Variants in TRIM44 observed in about 807,000 individuals in gnomAD.
TRIM44 encodes the protein tripartite motif containing 44, also known as tripartite motif-containing protein 44.
A neutral mutation model predicts 37.4 loss-of-function variants in TRIM44; 13 were observed. That is an observed-to-expected ratio of 0.35 (90% CI 0.23 to 0.55). TRIM44 has a LOEUF of 0.55. TRIM44 is among the 20% of genes least tolerant of loss of function. The pLI, the probability that TRIM44 is intolerant of heterozygous loss-of-function variation, is 0.89. For missense variants in TRIM44, 426 were observed against 437.2 expected, an observed-to-expected ratio of 0.97 and a Z score of 0.23; for synonymous variants, 175 against 157.2, an observed-to-expected ratio of 1.11 and a Z score of -0.85.
At chr11:35,688,899 CTA>C (rs1390567560) in intron 2 of TRIM44, among the ~76,000 whole-genome samples, 3 of 152,110 alleles carry the variant, frequency 2.0e-5, no homozygotes, top group African/African-American at 4.8e-5. Context: ...CTGTTTTCCT[CTA>C]TGTTTGCTAA....
chr11:35,755,776 G>T (rs1277509244), intron 4 of TRIM44, among the ~76,000 whole-genome samples: 4 of 152,114 alleles, frequency 2.6e-5, no homozygotes, highest in African/African-American at 9.7e-5. Context: ...TTTCCCCATT[G>T]CTTGTTTTTC....
intron 4 of TRIM44, among the ~76,000 whole-genome samples, chr11:35,779,140 A>T (rs775592425): frequency 1.1e-4 from 17 of 152,144 alleles, no homozygotes; most frequent in Non-Finnish European, 2.5e-4. Context: ...AAGCCTCAGC[A>T]AGTGGATGCC....
intron 1 of TRIM44, among the ~76,000 whole-genome samples, chr11:35,680,074 A>G (rs1266959232): frequency 1.3e-5 from 2 of 152,214 alleles, no homozygotes; most frequent in Non-Finnish European, 2.9e-5. Flanking sequence ...AAATCCATAC[A>G]TGAATATCAA....
intron 4 of TRIM44, among the ~76,000 whole-genome samples, chr11:35,757,212 C>T (rs1852656705): frequency 6.6e-6 from 1 of 152,206 alleles, no homozygotes; most frequent in Non-Finnish European, 1.5e-5. Flanking sequence ...GATTCAGCTT[C>T]TTCCTGGTTT....
intron 2 of TRIM44, among the ~76,000 whole-genome samples, chr11:35,696,178 C>G (rs1851695299): frequency 6.8e-6 from 1 of 146,258 alleles, no homozygotes; most frequent in Non-Finnish European, 1.5e-5. Flanking sequence ...TCGAGATGCT[C>G]TGTCGCCCAG....
chr11:35,667,955 A>G (rs1242741930), intron 1 of TRIM44, among the ~76,000 whole-genome samples: 1 of 152,112 alleles, frequency 6.6e-6, no homozygotes, highest in Non-Finnish European at 1.5e-5. Flanking sequence ...TTTTGCTATC[A>G]AAGTTTGGCT....
intron 4 of TRIM44, among the ~76,000 whole-genome samples, chr11:35,794,745 G>C (rs1454022451): frequency 6.6e-6 from 1 of 152,228 alleles, no homozygotes; most frequent in Non-Finnish European, 1.5e-5. Context: ...GTTTGCCTGG[G>C]AAGGTTTCTT....
chr11:35,790,086 G>A (rs946740995), intron 4 of TRIM44, among the ~76,000 whole-genome samples: 4 of 151,714 alleles, frequency 2.6e-5, no homozygotes, highest in South Asian at 4.2e-4. Context: ...TTCAGTGCCC[G>A]GTACTTATGC....
At chr11:35,791,557 T>G (rs1428474267) in intron 4 of TRIM44, among the ~76,000 whole-genome samples, 1 of 152,100 alleles carries the variant, frequency 6.6e-6, no homozygotes, top group Non-Finnish European at 1.5e-5. Context: ...ATGAGACACG[T>G]TCTCTCACTG....
In TRIM44 at chr11:35,666,855, A is replaced by G. The variant is rs539716052; in HGVS notation, c.669+3075A>G. ...TGTTTTTTTGTGATCTATCTGCTGA[A>G]TTATCTTACATATCCTAATAATTTA... On this transcript the variant is annotated intron_variant, in intron 1 of 4. Coordinates refer to ENST00000299413, the MANE Select transcript of TRIM44 (RefSeq NM_017583.6). Among the ~76,000 whole-genome samples, 8 of 152,360 alleles carry G rather than the reference A, an allele frequency of 5.3e-5. No homozygotes were observed. In the South Asian group the frequency reaches 1.0e-3, roughly 20 times the overall value.
intron 1 of TRIM44, among the ~76,000 whole-genome samples, chr11:35,679,809 C>T (rs1169016768): frequency 6.6e-6 from 1 of 152,140 alleles, no homozygotes; most frequent in Non-Finnish European, 1.5e-5. Flanking sequence ...AGGCCTCAGG[C>T]TGTGGATATA....
chr11:35,664,607 C>T (rs1851311993), intron 1 of TRIM44, among the ~76,000 whole-genome samples: 1 of 152,284 alleles, frequency 6.6e-6, no homozygotes. Flanking sequence ...ACTTTTGCTT[C>T]CCTGAATAGG....
intron 4 of TRIM44, among the ~76,000 whole-genome samples, chr11:35,746,184 A>G (rs1351418092): frequency 6.6e-6 from 1 of 152,214 alleles, no homozygotes; most frequent in Admixed American, 6.5e-5. Flanking sequence ...ATTTGTCTTC[A>G]TAGCTATTTT....
intron 4 of TRIM44, among the ~76,000 whole-genome samples, chr11:35,756,599 T>G (rs557701972): frequency 3.6e-4 from 55 of 152,298 alleles, no homozygotes; most frequent in Admixed American, 3.6e-3. Flanking sequence ...TCAAAGGGAA[T>G]GCTTCCAGTT....
At chr11:35,690,622 A>C (rs1436237275) in intron 2 of TRIM44, among the ~76,000 whole-genome samples, 1 of 152,182 alleles carries the variant, frequency 6.6e-6, no homozygotes, top group Non-Finnish European at 1.5e-5. Flanking sequence ...CCTGTGGTTG[A>C]TGAGTTACTA....
intron 1 of TRIM44, among the ~76,000 whole-genome samples, chr11:35,680,560 T>G (rs1226124601): frequency 6.6e-6 from 1 of 152,202 alleles, no homozygotes; most frequent in Non-Finnish European, 1.5e-5. Flanking sequence ...CACAGTTTAT[T>G]TAGCCACCCA....
At chr11:35,677,669 G>T (rs926814728) in intron 1 of TRIM44, among the ~76,000 whole-genome samples, 1 of 151,812 alleles carries the variant, frequency 6.6e-6, no homozygotes, top group Non-Finnish European at 1.5e-5. Flanking sequence ...TTTTCTTTTG[G>T]TCTATTTATT....
chr11:35,816,516 G>A lies in TRIM44; in HGVS notation c.*10131G>A, dbSNP rs1006181021. On this transcript the variant is annotated 3_prime_UTR_variant, in exon 5 of 5. Transcript: ENST00000299413. ...TTATGTGTGTAATTGGGGAACAGAA[G>A]GGTCTCTAGAGGGTAGACCTAAGAG... 7.9e-5 allele frequency: 12 copies of A among 152,204 alleles called. No individual in the cohort carries two copies. The highest frequency in any genetic ancestry group is 2.7e-4 in the African/African-American group (11 of 41,440). The allele number at this position is 152,204 out of a possible 1,614,324, so 9.4% of individuals were successfully genotyped here.
intron 4 of TRIM44, among the ~76,000 whole-genome samples, chr11:35,756,748 C>T (rs2133856750): frequency 6.6e-6 from 1 of 152,278 alleles, no homozygotes; most frequent in Non-Finnish European, 1.5e-5. Context: ...GCCTTTTCTG[C>T]ATCTATTGAG....
Sources: gnomAD v4.1 joint callset for allele counts (sites outside exome capture counted in the v4.1 genomes callset) on GRCh38, gnomAD v4.1.1 for gene constraint, MANE v1.5 for transcripts, NCBI Gene and HGNC (gene_info 2026-07-23, HGNC 2026-07-21) for gene names.